The following FCRL3 variants were observed in gnomAD, a reference collection of about 807,000 sequenced individuals.
The protein encoded by FCRL3 is Fc receptor like 3.
A neutral mutation model predicts 75.0 loss-of-function variants in FCRL3; 89 were observed. The observed-to-expected ratio is 1.19, with a 90% CI of 1.00 to 1.42. The LOEUF (loss-of-function observed/expected upper bound fraction) is 1.42. Among genes scored for constraint, FCRL3 ranks in the 40% most tolerant of loss-of-function variants. The pLI, the probability that FCRL3 is intolerant of heterozygous loss-of-function variation, is 0.00. For synonymous variants in FCRL3, 376 were observed against 348.5 expected, an observed-to-expected ratio of 1.08 and a Z score of -0.88; for missense variants, 946 against 880.0, an observed-to-expected ratio of 1.07 and a Z score of -0.95.
chr1:157,698,713 G>T, intron 3 of FCRL3, 84 bp from the exon 4 acceptor site: 1 of 1,423,034 alleles, frequency 7.0e-7, no homozygotes, highest in Non-Finnish European at 9.7e-7. Flanking sequence ...CTACAGTCAG[G>T]AGTTTTCCTG....
chr1:157,680,294 G>A lies in FCRL3; in HGVS notation c.2026+408C>T, dbSNP rs540010968. Among the ~76,000 whole-genome samples the A allele has an allele frequency of 7.2e-5, 11 of 152,330 alleles. No homozygotes were observed. The South Asian group carries it at 2.3e-3, about 32-fold the overall frequency. On this transcript the variant is annotated intron_variant, in intron 13 of 14. Coordinates refer to ENST00000368184, the MANE Select transcript of FCRL3 (RefSeq NM_052939.4). ...AATCTAGGCACTGATGTGAACAATA[G>A]AGCACCTCAAAGGGATCATGCTGGA...
At chr1:157,689,149 G>T (rs572035193) in intron 10 of FCRL3, among the ~76,000 whole-genome samples, 1 of 152,092 alleles carries the variant, frequency 6.6e-6, no homozygotes, top group Non-Finnish European at 1.5e-5. Flanking sequence ...TGTACAGGAG[G>T]TTCTAACCAG....
chr1:157,684,149 A>G (rs1028845215), intron 10 of FCRL3, among the ~76,000 whole-genome samples: 2 of 152,216 alleles, frequency 1.3e-5, no homozygotes, highest in Non-Finnish European at 2.9e-5. Context: ...TTAGAAGTCT[A>G]TCCTTGAAGC....
intron 10 of FCRL3, among the ~76,000 whole-genome samples, chr1:157,688,882 A>G (rs1186294384): frequency 1.3e-5 from 2 of 152,320 alleles, no homozygotes; most frequent in Non-Finnish European, 2.9e-5. Flanking sequence ...CTACTTCGAC[A>G]TTCAAAATTC....
In FCRL3 at chr1:157,697,272, C is replaced by A. The variant is rs757751434; in HGVS notation, c.712G>T (p.Gly238Cys). 9.9e-6 allele frequency: 16 copies of A among 1,612,060 alleles called. No homozygotes were observed. In the South Asian group the frequency reaches 1.8e-4, roughly 18 times the overall value. Residue 238 changes from glycine to cysteine, a missense_variant, in exon 6 of 15, where the codon GGC becomes TGC. Gly to Cys is a radical substitution (Grantham distance 159). Coordinates refer to ENST00000368184, the MANE Select transcript of FCRL3 (RefSeq NM_052939.4). ...LFRDSQTLGL[G>C]WSRSPRLQIP... ...TGGAGTCTGGGGGACCTGCTCCAGC[C>A]CAATCCGAGGGTCTGGCTATCTCTG...
rs1320829429 is a variant in FCRL3 at position 157,676,688 on chromosome 1, T to G, written c.*2022A>C. On this transcript the variant is annotated 3_prime_UTR_variant, in exon 15 of 15. Coordinates refer to ENST00000368184, the MANE Select transcript of FCRL3 (RefSeq NM_052939.4). The stretch of plus-strand genomic sequence containing the variant: ...AGTTAGGACTCACCCCTTCTTCCAC[T>G]CACATACTCTGATTTGCACAGGGCT... 3.9e-6 allele frequency: 6 copies of G among 1,547,316 alleles called. No homozygotes were observed. Among genetic ancestry groups the G allele is most frequent in the Non-Finnish European group, 4.4e-6 (5 of 1,144,236 alleles).
chr1:157,683,948 T>A (rs1655010121), intron 10 of FCRL3, among the ~76,000 whole-genome samples: 1 of 152,222 alleles, frequency 6.6e-6, no homozygotes, highest in South Asian at 2.1e-4. Flanking sequence ...TCTATTTGCC[T>A]CTATTTCTCT....
At chr1:157,697,071 T>C in intron 6 of FCRL3, 69 bp downstream of exon 6, 3 of 1,338,864 alleles carry the variant, frequency 2.2e-6, no homozygotes, top group Non-Finnish European at 2.9e-6. Flanking sequence ...ATCCTAGGGG[T>C]GCAGGAGATA....
chr1:157,700,527 C>T lies in FCRL3; in HGVS notation c.-38G>A, dbSNP rs1172922025. The T allele has an allele frequency of 6.2e-7, 1 of 1,613,944 alleles. No homozygotes were observed. Among genetic ancestry groups the T allele is most frequent in the African/African-American group, 1.3e-5 (1 of 75,042 alleles). On this transcript the variant is annotated 5_prime_UTR_variant, in exon 2 of 15. Transcript: ENST00000368184. ...GGCAGAGGGTTGGGAAAGTCTGTCT[C>T]ACCAAAAGCCCGACTTATCTCCAAG...
intron 2 of FCRL3, 72 bp from the exon 3 acceptor site, chr1:157,699,784 C>G (rs1571222166): frequency 6.5e-7 from 1 of 1,540,276 alleles, no homozygotes. Context: ...ACAACCACTT[C>G]TTTTGTTTTT....
chr1:157,676,624 T>C lies in FCRL3; in HGVS notation c.*2086A>G. On this transcript the variant is annotated 3_prime_UTR_variant, in exon 15 of 15. Transcript: ENST00000368184. The stretch of plus-strand genomic sequence containing the variant: ...GAGAATAATTCATTTTACAGGGCAA[T>C]CAATCAGAATTTGCACATTTGTTAT... 1 of 1,214,266 alleles carries C rather than the reference T, an allele frequency of 8.2e-7. No homozygotes were observed. The highest frequency in any genetic ancestry group is 1.2e-6 in the Non-Finnish European group (1 of 850,718). The allele number at this position is 1,214,266 out of a possible 1,614,324, so 75.2% of individuals were successfully genotyped here.
rs531315736 is a variant in FCRL3 at position 157,698,710 on chromosome 1, CAGG to C, written c.53-84_53-82del. On this transcript the variant is annotated intron_variant, in intron 3 of 14. Transcript: ENST00000368184. ...GCACATGGGGAGCCCAACCTACAGT[CAGG>C]AGTTTTCCTGGACTAATTTCCAGTC... 2,017 of 1,462,118 alleles carry C rather than the reference CAGG, an allele frequency of 1.4e-3. 10 individuals are homozygous for C. The highest frequency in any genetic ancestry group is 6.6e-3 in the South Asian group (530 of 80,342). The allele number at this position is 1,462,118 out of a possible 1,614,324, so 90.6% of individuals were successfully genotyped here.
rs1654636589 is a variant in FCRL3 at position 157,678,935 on chromosome 1, G to T, written c.2058+7C>A. 3.1e-6 allele frequency: 5 copies of T among 1,614,100 alleles called. No homozygotes were observed. Among genetic ancestry groups the T allele is most frequent in the Non-Finnish European group, 3.4e-6 (4 of 1,180,002 alleles). ...GAGAGGAAAGAAAGCCAAGAAATGT[G>T]ACTCACCTCATGCTCTTGATGCATC... On this transcript the variant is annotated splice_region_variant and intron_variant, in intron 14 of 14. Coordinates refer to ENST00000368184, the MANE Select transcript of FCRL3 (RefSeq NM_052939.4).
In FCRL3 at chr1:157,698,538, T is replaced by A; in HGVS notation, c.144A>T (p.Ser48=). The change falls in exon 4 of 15, where the codon TCA becomes TCT. Residue 48 remains serine, a synonymous_variant. Coordinates refer to ENST00000368184, the MANE Select transcript of FCRL3 (RefSeq NM_052939.4). The stretch of plus-strand genomic sequence containing the variant: ...ATGTGTCTCCCTGGGCTAGGGAATG[T>A]GATATGCTGCTGCATATGAGAGCCA... ...EKVALICSSI[S]HSLAQGDTYW... 1.2e-6 allele frequency: 2 copies of A among 1,614,192 alleles called. No homozygotes were observed. The highest frequency in any genetic ancestry group is 8.5e-7 in the Non-Finnish European group (1 of 1,180,026).
At chr1:157,697,118 G>T in intron 6 of FCRL3, 22 bp downstream of exon 6, 1 of 1,412,984 alleles carries the variant, frequency 7.1e-7, no homozygotes, top group South Asian at 1.9e-5. Context: ...GACTCTGGAA[G>T]AGCAGCCCCT....
In FCRL3 at chr1:157,697,922, G is replaced by T. The variant is rs765861114; in HGVS notation, c.299-3C>A. 29 of 1,613,084 alleles carry T rather than the reference G, an allele frequency of 1.8e-5. No individual in the cohort carries two copies. The highest frequency in any genetic ancestry group is 2.4e-5 in the Non-Finnish European group (28 of 1,179,748). On this transcript the variant is annotated splice_region_variant and splice_polypyrimidine_tract_variant and intron_variant, in intron 4 of 14. Coordinates refer to ENST00000368184, the MANE Select transcript of FCRL3 (RefSeq NM_052939.4). ...TAAAGCCTGCAGGATCAGCCAGTCT[G>T]CAAAGAGCACAGGAGCACACTCAGG...
Position 157,697,751 on chromosome 1 carries a change from C to T in FCRL3, c.467G>A (p.Arg156Lys), listed in dbSNP as rs1384572734. The T allele has an allele frequency of 1.2e-6, 2 of 1,613,920 alleles. No individual in the cohort carries two copies. Among genetic ancestry groups the T allele is most frequent in the East Asian group, 4.5e-5 (2 of 44,894 alleles). Reference sequence around the variant, plus strand: ...AGTACAATGATATTTGCTATTATCCCTGGAGACTGAATTCACTGTGATCTT... The same window carrying T: ...AGTACAATGATATTTGCTATTATCCTTGGAGACTGAATTCACTGTGATCTT... Reference protein sequence around the residue: ...LEKITVNSVSRDNSKYHCTAY... With the variant: ...LEKITVNSVSKDNSKYHCTAY... Residue 156 changes from arginine (R) to lysine (K), a missense_variant, in exon 5 of 15, where the codon AGG (arginine) becomes AAG (lysine). Transcript: ENST00000368184.
Position 157,696,095 on chromosome 1 carries a change from T to A in FCRL3, c.1077A>T (p.Ala359=). 1 of 1,613,726 alleles carries A rather than the reference T, an allele frequency of 6.2e-7. No homozygotes were observed. Among genetic ancestry groups the A allele is most frequent in the Non-Finnish European group, 8.5e-7 (1 of 1,179,990 alleles). Reference sequence around the variant, plus strand: ...GGATGGGGCTGTGAACGTTATCAGCTGCACAGTAGTATCTCCCTGCATCAC... The same window carrying A: ...GGATGGGGCTGTGAACGTTATCAGCAGCACAGTAGTATCTCCCTGCATCAC... ...KESDAGRYYC[A]ADNVHSPILS... Residue 359 remains alanine, a synonymous_variant, in exon 7 of 15, where the codon GCA becomes GCT. Transcript: ENST00000368184.
chr1:157,696,502 C>A, intron 6 of FCRL3, 175 bp from the exon 7 acceptor site: 1 of 621,914 alleles, frequency 1.6e-6, no homozygotes, highest in South Asian at 2.1e-5. Context: ...ACATCCCTCT[C>A]ACTCCCACAA....
Sources: gnomAD v4.1 joint callset for allele counts (sites outside exome capture counted in the v4.1 genomes callset) on GRCh38, gnomAD v4.1.1 for gene constraint, MANE v1.5 for transcripts, NCBI Gene and HGNC (gene_info 2026-07-23, HGNC 2026-07-21) for gene names.